Variants in SGCZ observed in about 807,000 individuals in gnomAD.
SGCZ encodes the protein sarcoglycan zeta, also known as zeta-sarcoglycan.
A neutral mutation model predicts 41.3 loss-of-function variants in SGCZ; 40 were observed. That is an observed-to-expected ratio of 0.97 (90% CI 0.75 to 1.26). The LOEUF (loss-of-function observed/expected upper bound fraction) is 1.26, where lower values mean the gene tolerates loss of function less well. SGCZ is among the 50% of genes most tolerant of loss of function. The pLI is 0.00. For synonymous variants in SGCZ, 206 were observed against 137.5 expected (o/e 1.50, Z -3.49); for missense variants, 552 against 369.8 (o/e 1.49, Z -4.04).
At chr8:15,015,007 C>T (rs1295798978) in intron 1 of SGCZ, among the ~76,000 whole-genome samples, 1 of 152,160 alleles carries the variant, frequency 6.6e-6, no homozygotes, top group African/African-American at 2.4e-5. Flanking sequence ...TTTGGGAGGC[C>T]AAGGCGGGTA....
At chr8:14,283,985 T>A (rs1800535199) in intron 3 of SGCZ, among the ~76,000 whole-genome samples, 1 of 152,278 alleles carries the variant, frequency 6.6e-6, no homozygotes, top group Non-Finnish European at 1.5e-5. Flanking sequence ...TTGTTTTATA[T>A]AAGGTGTTAT....
intron 1 of SGCZ, among the ~76,000 whole-genome samples, chr8:15,080,510 T>C (rs776489908): frequency 6.6e-6 from 1 of 152,048 alleles, no homozygotes; most frequent in Non-Finnish European, 1.5e-5. Context: ...ACCCCAAATG[T>C]GACTGGTTTG....
At chr8:14,164,787 A>T (rs6993740) in intron 4 of SGCZ, 85 bp from the exon 5 acceptor site, 309,799 of 1,450,708 alleles carry the variant, frequency 0.21, 34,804 homozygotes, top group Admixed American at 0.27. Context: ...CTAGAAATGC[A>T]TATATTATTT....
intron 1 of SGCZ, among the ~76,000 whole-genome samples, chr8:15,081,334 T>A (rs1805739578): frequency 6.6e-6 from 1 of 152,212 alleles, no homozygotes; most frequent in Non-Finnish European, 1.5e-5. Context: ...AAGTCTGAGA[T>A]GCATTTTTAC....
At chr8:14,830,807 G>C (rs1802500175) in intron 1 of SGCZ, among the ~76,000 whole-genome samples, 1 of 151,778 alleles carries the variant, frequency 6.6e-6, no homozygotes, top group Admixed American at 6.6e-5. Context: ...AAGCTCTCTC[G>C]GTATGCAATC....
At chr8:14,898,631 A>G (rs1376064195) in intron 1 of SGCZ, among the ~76,000 whole-genome samples, 3 of 152,200 alleles carry the variant, frequency 2.0e-5, no homozygotes, top group Admixed American at 6.5e-5. Context: ...GAGAATATAT[A>G]TAAGCGAGAA....
chr8:14,147,818 A>G (rs547091266), intron 5 of SGCZ, among the ~76,000 whole-genome samples: 1 of 152,286 alleles, frequency 6.6e-6, no homozygotes, highest in South Asian at 2.1e-4. Context: ...TCACAAAACA[A>G]GTCTGAAAAC....
intron 1 of SGCZ, among the ~76,000 whole-genome samples, chr8:14,725,439 C>A (rs1056981317): frequency 1.3e-5 from 2 of 152,140 alleles, no homozygotes; most frequent in African/African-American, 4.8e-5. Flanking sequence ...TACATTCCCA[C>A]CAACAGTGTA....
chr8:14,636,767 A>G (rs1255153324), intron 1 of SGCZ, among the ~76,000 whole-genome samples: 3 of 151,930 alleles, frequency 2.0e-5, no homozygotes, highest in African/African-American at 7.2e-5. Flanking sequence ...GATTGCATGA[A>G]TGAATGACTA....
chr8:14,974,729 C>T (rs903724050), intron 1 of SGCZ, among the ~76,000 whole-genome samples: 1 of 152,148 alleles, frequency 6.6e-6, no homozygotes. Context: ...CTCACAACCA[C>T]CCTATGAGGC....
chr8:14,951,394 C>T (rs931148), intron 1 of SGCZ, among the ~76,000 whole-genome samples: 69,276 of 151,738 alleles, frequency 0.46, 15,978 homozygotes, highest in East Asian at 0.51. Context: ...ATGTCAAATT[C>T]GTTGTCAATA....
At chr8:14,688,792 G>A (rs11994491) in intron 1 of SGCZ, among the ~76,000 whole-genome samples, 1 of 152,074 alleles carries the variant, frequency 6.6e-6, no homozygotes, top group Non-Finnish European at 1.5e-5. Flanking sequence ...GAAATAAAGG[G>A]TATTCAATTA....
chr8:14,122,534 T>TAATA (rs1802731829), intron 5 of SGCZ, among the ~76,000 whole-genome samples: 1 of 152,228 alleles, frequency 6.6e-6, no homozygotes, highest in African/African-American at 2.4e-5. Flanking sequence ...GGGAATTATC[T>TAATA]AATAAACTAT....
intron 1 of SGCZ, among the ~76,000 whole-genome samples, chr8:14,638,505 A>T (rs1400586232): frequency 6.6e-6 from 1 of 151,762 alleles, no homozygotes; most frequent in East Asian, 1.9e-4. Flanking sequence ...AAGTCCATCA[A>T]TATCTCCTTA....
In SGCZ at chr8:14,664,300, C is replaced by A. The variant is rs530526841; in HGVS notation, c.40-109374G>T. ...CAAGCCTGCTGAACTGAGCCAATCACAAACACAGTTTGCTGAAGCAGGTGG... is the reference window on the plus strand; with the variant it reads ...CAAGCCTGCTGAACTGAGCCAATCAAAAACACAGTTTGCTGAAGCAGGTGG... On this transcript the variant is annotated intron_variant, in intron 1 of 7. Transcript: ENST00000382080. Among the ~76,000 whole-genome samples, 6 of 152,260 alleles carry A rather than the reference C, an allele frequency of 3.9e-5. No homozygotes were observed. The South Asian group carries it at 1.2e-3, about 32-fold the overall frequency.
intron 1 of SGCZ, among the ~76,000 whole-genome samples, chr8:15,157,643 C>T (rs984506604): frequency 6.6e-6 from 1 of 152,046 alleles, no homozygotes; most frequent in African/African-American, 2.4e-5. Flanking sequence ...AACAAGTGAA[C>T]ATGTCTTGTC....
chr8:14,361,348 A>G (rs578014665), intron 2 of SGCZ, among the ~76,000 whole-genome samples: 10 of 152,138 alleles, frequency 6.6e-5, no homozygotes, highest in South Asian at 2.1e-4. Context: ...GTCTTTTCAC[A>G]TAGTCCCATA....
intron 1 of SGCZ, among the ~76,000 whole-genome samples, chr8:14,559,841 T>C (rs1804154981): frequency 1.3e-5 from 2 of 152,128 alleles, no homozygotes; most frequent in African/African-American, 4.8e-5. Flanking sequence ...TTTATTATCA[T>C]TATTATTTAA....
At chr8:14,141,658 G>A (rs771982881) in intron 5 of SGCZ, among the ~76,000 whole-genome samples, 16 of 152,030 alleles carry the variant, frequency 1.1e-4, no homozygotes, top group Admixed American at 5.2e-4. Context: ...TTAAAAAGTC[G>A]GGAAACAACA....
Sources: gnomAD v4.1 joint callset for allele counts (sites outside exome capture counted in the v4.1 genomes callset) on GRCh38, gnomAD v4.1.1 for gene constraint, MANE v1.5 for transcripts, NCBI Gene and HGNC (gene_info 2026-07-23, HGNC 2026-07-21) for gene names.